The following ADCY3 variants were observed in gnomAD, a reference collection of about 807,000 sequenced individuals.
ADCY3 encodes the protein adenylate cyclase type 3.
Under a neutral mutation model 119.4 loss-of-function variants are expected in ADCY3, and 70 were observed. The observed-to-expected ratio is 0.59, with a 90% confidence interval of 0.48 to 0.72. The LOEUF (loss-of-function observed/expected upper bound fraction) is 0.72. Among genes scored for constraint, ADCY3 ranks in the 30% least tolerant of loss-of-function variants. The pLI, the probability that ADCY3 is intolerant of heterozygous loss-of-function variation, is 0.00. For missense variants in ADCY3, 1,238 were observed against 1,541.6 expected, an observed-to-expected ratio of 0.80 and a Z score of 3.30; for synonymous variants, 672 against 621.4, an observed-to-expected ratio of 1.08 and a Z score of -1.21.
intron 2 of ADCY3, among the ~76,000 whole-genome samples, chr2:24,887,089 TCA>T (rs2148910266): frequency 6.6e-6 from 1 of 152,332 alleles, no homozygotes; most frequent in East Asian, 1.9e-4. Context: ...TTTAACTGAC[TCA>T]CAGTTCAGCA....
chr2:24,896,461 T>C (rs951590269), intron 2 of ADCY3, among the ~76,000 whole-genome samples: 1 of 152,344 alleles, frequency 6.6e-6, no homozygotes, highest in Middle Eastern at 3.4e-3. Flanking sequence ...TCTATTTCTA[T>C]TGACCACTTT....
chr2:24,887,633 C>T (rs530752892), intron 2 of ADCY3, among the ~76,000 whole-genome samples: 8 of 152,020 alleles, frequency 5.3e-5, no homozygotes, highest in Admixed American at 3.3e-4. Context: ...CACTCCCCCC[C>T]GACACACACA....
At position 24,826,032 on chromosome 2, in the gene ADCY3, A is replaced by G. The variant is rs1249956315; in HGVS notation, c.2577+13T>C. The G allele has an allele frequency of 6.8e-6, 11 of 1,613,256 alleles. No homozygotes were observed. The highest frequency in any genetic ancestry group is 1.1e-5 in the South Asian group (1 of 91,026). On this transcript the variant is annotated intron_variant, in intron 16 of 21. Coordinates refer to ENST00000679454, the MANE Select transcript of ADCY3 (RefSeq NM_004036.5). The stretch of plus-strand genomic sequence containing the variant: ...TGTGGGCACAGAGCGGGGATCGTGC[A>G]GGCGGCACTCACGTGGCGGGAGAAG...
At chr2:24,848,511 C>A (rs113195763) in intron 3 of ADCY3, among the ~76,000 whole-genome samples, 1 of 152,064 alleles carries the variant, frequency 6.6e-6, no homozygotes, top group African/African-American at 2.4e-5. Context: ...TTTCTGTGTG[C>A]GTGTCTTTAA....
chr2:24,852,744 C>A (rs1047323997), intron 3 of ADCY3, among the ~76,000 whole-genome samples: 2 of 152,264 alleles, frequency 1.3e-5, no homozygotes, highest in African/African-American at 4.8e-5. Context: ...GAGCTGCCAA[C>A]GCCCGCGGAA....
At chr2:24,909,181 CGTCCT>C (rs1413289691) in intron 2 of ADCY3, among the ~76,000 whole-genome samples, 1 of 152,190 alleles carries the variant, frequency 6.6e-6, no homozygotes, top group African/African-American at 2.4e-5. Context: ...CCCCTACGTC[CGTCCT>C]GGTGGGTGGC....
chr2:24,831,426 AGGCCCACCACGGCCCAGCCGT>A (rs1558417623), intron 12 of ADCY3, among the ~76,000 whole-genome samples: 2 of 152,114 alleles, frequency 1.3e-5, no homozygotes, highest in Admixed American at 6.5e-5. Context: ...CGGCCCAACA[AGGCCCACCACGGCCCAGCCGT>A]GGCCCACCAC....
intron 2 of ADCY3, among the ~76,000 whole-genome samples, chr2:24,875,199 G>C (rs1675532938): frequency 6.6e-6 from 1 of 152,182 alleles, no homozygotes; most frequent in African/African-American, 2.4e-5. Flanking sequence ...GCCAGGTCTT[G>C]GGTTTCCTAA....
chr2:24,846,254 T>C (rs1336177647), intron 3 of ADCY3, among the ~76,000 whole-genome samples: 1 of 152,132 alleles, frequency 6.6e-6, no homozygotes, highest in Non-Finnish European at 1.5e-5. Flanking sequence ...CTTGGCACCA[T>C]GCACCTGGAA....
chr2:24,865,398 T>C (rs1674156460), intron 3 of ADCY3, among the ~76,000 whole-genome samples: 1 of 152,010 alleles, frequency 6.6e-6, no homozygotes, highest in Non-Finnish European at 1.5e-5. Context: ...GTCGAAATTG[T>C]ACCACTGCAC....
At position 24,841,456 on chromosome 2, in the gene ADCY3, G is replaced by A; in HGVS notation, c.1069-70C>T. On this transcript the variant is annotated intron_variant, in intron 5 of 21. Coordinates refer to ENST00000679454, the MANE Select transcript of ADCY3 (RefSeq NM_004036.5). This position sits in a 1 kb window ranked among gnomAD's most constrained non-coding sequence, Gnocchi z 5.8. ...AGGGAGGAGTGGCCAAGAAAGCAGA[G>A]GAAGGACAGTGGGAGAAAATCATGG... 6.3e-7 allele frequency: 1 copy of A among 1,595,572 alleles called. No homozygotes were observed. The highest frequency in any genetic ancestry group is 8.5e-7 in the Non-Finnish European group (1 of 1,169,648).
chr2:24,910,656 C>A (rs1019607168), intron 2 of ADCY3, among the ~76,000 whole-genome samples: 5 of 136,636 alleles, frequency 3.7e-5, no homozygotes, highest in Non-Finnish European at 7.6e-5. Context: ...CCTTTCTTTT[C>A]TTTTCTTTTT....
intron 15 of ADCY3, among the ~76,000 whole-genome samples, chr2:24,827,040 G>C (rs1040236493): frequency 6.6e-6 from 1 of 152,106 alleles, no homozygotes; most frequent in African/African-American, 2.4e-5. Context: ...TTTTGCTAAG[G>C]GCTATGCAGG....
intron 3 of ADCY3, among the ~76,000 whole-genome samples, chr2:24,862,524 G>A (rs868291837): frequency 1.4e-5 from 2 of 147,222 alleles, no homozygotes; most frequent in South Asian, 4.3e-4. Context: ...CCAGCCTCGG[G>A]GACAGAGCGA....
At position 24,820,099 on chromosome 2, in the gene ADCY3, G is replaced by C; in HGVS notation, c.3268C>G (p.Gln1090Glu). 2 of 1,550,472 alleles carry C rather than the reference G, an allele frequency of 1.3e-6. No homozygotes were observed. The highest frequency in any genetic ancestry group is 1.7e-6 in the Non-Finnish European group (2 of 1,147,688). ...MGNIQVVEET[Q>E]VILREYGFRF... ...AAGCCGTACTCTCGGAGGATGACTT[G>C]GGTTTCTTCTACCACCTGGAGAGGG... The change falls in exon 22 of 22, where the codon CAA (glutamine) becomes GAA (glutamate). Residue 1090 changes from glutamine to glutamate, a missense_variant. By Grantham distance (29) the Gln-to-Glu change is conservative (BLOSUM62 2). Coordinates refer to ENST00000679454, the MANE Select transcript of ADCY3 (RefSeq NM_004036.5).
chr2:24,877,593 C>T (rs746449995), intron 2 of ADCY3, among the ~76,000 whole-genome samples: 1 of 152,146 alleles, frequency 6.6e-6, no homozygotes, highest in South Asian at 2.1e-4. Context: ...CAGGGTGATG[C>T]TGAGGATGGC....
chr2:24,887,420 T>C (rs75034121), intron 2 of ADCY3, among the ~76,000 whole-genome samples: 9,622 of 152,226 alleles, frequency 0.063, 416 homozygotes, highest in Non-Finnish European at 0.095. Context: ...CCACGGCTCC[T>C]TTCCCTCGGA....
intron 3 of ADCY3, among the ~76,000 whole-genome samples, chr2:24,860,722 G>A (rs889065818): frequency 2.6e-5 from 4 of 152,214 alleles, no homozygotes; most frequent in African/African-American, 9.6e-5. Context: ...CTGGACCATG[G>A]CTGGCTGCCC....
intron 2 of ADCY3, among the ~76,000 whole-genome samples, chr2:24,904,704 C>A (rs1484976471): frequency 6.6e-6 from 1 of 151,868 alleles, no homozygotes; most frequent in Non-Finnish European, 1.5e-5. Flanking sequence ...TGCAGTGGCA[C>A]AATCTCGGCT....
Sources: gnomAD v4.1 joint callset for allele counts (sites outside exome capture counted in the v4.1 genomes callset) on GRCh38, gnomAD v4.1.1 for gene constraint, Gnocchi (gnomAD v3.1) non-coding constraint, MANE v1.5 for transcripts, NCBI Gene and HGNC (gene_info 2026-07-23, HGNC 2026-07-21) for gene names.